E2F2: variants seen among roughly 807,000 people sequenced by gnomAD.
E2F2 encodes the protein transcription factor E2F2.
In E2F2, 22 loss-of-function variants were observed where a neutral mutation model predicts 42.2. The observed-to-expected ratio is 0.52, with a 90% CI of 0.37 to 0.74. The LOEUF is 0.74. E2F2 is among the 30% of genes least tolerant of loss of function. The probability of loss-of-function intolerance (pLI) is 0.00; values close to 1 mark genes in which losing one functional copy is unlikely to be tolerated. For synonymous variants in E2F2, 248 were observed against 251.6 expected (o/e 0.99, Z 0.13); for missense variants, 481 against 557.8 (o/e 0.86, Z 1.39).
intron 6 of E2F2, 134 bp downstream of exon 6, chr1:23,516,201 A>C: frequency 8.3e-7 from 1 of 1,209,528 alleles, no homozygotes; most frequent in Non-Finnish European, 1.1e-6. Context: ...AGTACAATGC[A>C]CATGTGTGGG....
intron 1 of E2F2, among the ~76,000 whole-genome samples, chr1:23,525,361 G>C (rs1643234054): frequency 6.6e-6 from 1 of 152,154 alleles, no homozygotes; most frequent in South Asian, 2.1e-4. Flanking sequence ...GGGCTGGGCA[G>C]GGGCAGGGCA....
At chr1:23,522,093 G>GGGA in intron 2 of E2F2, 37 bp from the exon 3 acceptor site, 1 of 1,598,738 alleles carries the variant, frequency 6.3e-7, no homozygotes, top group Non-Finnish European at 8.6e-7. Context: ...GCTCAGGGAG[G>GGGA]GGAGGGCCCG....
At position 23,519,063 on chromosome 1, in the gene E2F2, C is replaced by T. The variant is rs745812677; in HGVS notation, c.805G>A (p.Val269Ile). The T allele has an allele frequency of 1.2e-5, 19 of 1,613,962 alleles. No individual in the cohort carries two copies. Among genetic ancestry groups the T allele is most frequent in the South Asian group, 7.7e-5 (7 of 91,034 alleles). Residue 269 changes from valine (V) to isoleucine (I), a missense_variant, in exon 5 of 7, where the codon GTC (valine) becomes ATC (isoleucine). Coordinates refer to ENST00000361729, the MANE Select transcript of E2F2 (RefSeq NM_004091.4). ...GNFKEQTVIAVKAPPQTRLEV... is the reference protein window; with the variant it reads ...GNFKEQTVIAIKAPPQTRLEV... ...AGTCTCGTCTGCGGAGGGGCCTTGACGGCAATCACTGTCTGCTCCTTAAAG... is the reference window on the plus strand; with the variant it reads ...AGTCTCGTCTGCGGAGGGGCCTTGATGGCAATCACTGTCTGCTCCTTAAAG...
rs542836431 is a variant in E2F2, at chr1:23,507,451, G to A, written c.*2429C>T. On this transcript the variant is annotated 3_prime_UTR_variant, in exon 7 of 7. Transcript: ENST00000361729. The stretch of plus-strand genomic sequence containing the variant: ...GAATCGCTTGAACCTGGGAGGCAGA[G>A]GTTGCAGTGAGCCGAGATCAGGCCA... The A allele has an allele frequency of 6.6e-6, 1 of 152,246 alleles. No homozygotes were observed. Among genetic ancestry groups the A allele is most frequent in the East Asian group, 1.9e-4 (1 of 5,170 alleles). The allele number at this position is 152,246 out of a possible 1,614,324, so 9.4% of individuals were successfully genotyped here. A position where few individuals can be genotyped will look rare whatever the true frequency, so the allele number is the denominator to read the frequency against.
chr1:23,505,232 A>G (rs1399209989), downstream of E2F2, among the ~76,000 whole-genome samples: 1 of 152,236 alleles, frequency 6.6e-6, no homozygotes, highest in Non-Finnish European at 1.5e-5. Flanking sequence ...ATAGCCATTT[A>G]TACCATGCAA....
chr1:23,506,305 G>C (rs1454149913), downstream of E2F2: 1 of 152,220 alleles, frequency 6.6e-6, no homozygotes, highest in Admixed American at 6.5e-5. Context: ...ACTGTATCTT[G>C]GAGGGAAATC....
Position 23,510,099 on chromosome 1 carries a change from C to G in E2F2, c.1095G>C (p.Leu365=), listed in dbSNP as rs773372814. The G allele has an allele frequency of 1.9e-6, 3 of 1,605,776 alleles. No homozygotes were observed. Among genetic ancestry groups the G allele is most frequent in the Non-Finnish European group, 2.5e-6 (3 of 1,177,070 alleles). The change falls in exon 7 of 7, where the codon CTG becomes CTC. Residue 365 remains leucine, a synonymous_variant. Coordinates refer to ENST00000361729, the MANE Select transcript of E2F2 (RefSeq NM_004091.4). Reference sequence around the variant, plus strand: ...GGCTGTCAGTAGCCTCCAAGGGGACCAGGGATGGAGGCGGTGGGGCCTGCT... The same window carrying G: ...GGCTGTCAGTAGCCTCCAAGGGGACGAGGGATGGAGGCGGTGGGGCCTGCT... The part of the protein sequence containing the change: ...TPQQAPPPPS[L]VPLEATDSLL...
Position 23,509,816 on chromosome 1 carries a change from G to A in E2F2, c.*64C>T. On this transcript the variant is annotated 3_prime_UTR_variant, in exon 7 of 7. Transcript: ENST00000361729. ...TCCAATGTCCCTGTGCAGGCAGAGG[G>A]GCTGTCAGCCTGTCTGTGAGGAGGT... is the stretch of plus-strand genomic sequence containing the variant. 6.7e-7 allele frequency: 1 copy of A among 1,487,572 alleles called. No individual in the cohort carries two copies. The highest frequency in any genetic ancestry group is 1.4e-5 in the South Asian group (1 of 71,460). The allele number at this position is 1,487,572 out of a possible 1,614,324, so 92.1% of individuals were successfully genotyped here.
intron 1 of E2F2, among the ~76,000 whole-genome samples, chr1:23,527,369 C>T (rs566039927): frequency 1.8e-4 from 28 of 152,328 alleles, no homozygotes; most frequent in Middle Eastern, 3.4e-3. Context: ...TGGCCACAGC[C>T]AGAGGCCAGC....
intron 2 of E2F2, 94 bp from the exon 3 acceptor site, chr1:23,522,150 C>A: frequency 9.0e-7 from 1 of 1,115,432 alleles, no homozygotes. Context: ...TACCACCTTT[C>A]ACCACCCACT....
chr1:23,524,065 C>T (rs548364994), intron 2 of E2F2, among the ~76,000 whole-genome samples: 2 of 141,654 alleles, frequency 1.4e-5, no homozygotes, highest in Non-Finnish European at 3.0e-5. Context: ...CAGAGCGAGA[C>T]CTGTCTCACA....
chr1:23,523,731 A>G (rs1643195482), intron 2 of E2F2, among the ~76,000 whole-genome samples: 1 of 152,148 alleles, frequency 6.6e-6, no homozygotes, highest in Non-Finnish European at 1.5e-5. Flanking sequence ...CAAATAAAAC[A>G]CTGGTCATTG....
chr1:23,516,553 A>G, intron 5 of E2F2, 26 bp from the exon 6 acceptor site: 1 of 1,577,558 alleles, frequency 6.3e-7, no homozygotes, highest in Non-Finnish European at 8.6e-7. Flanking sequence ...AAGCCAGGTC[A>G]TTGCTCTGGG....
chr1:23,528,996 TGAGC>T (rs1196899329), intron 1 of E2F2, among the ~76,000 whole-genome samples: 1 of 152,162 alleles, frequency 6.6e-6, no homozygotes, highest in Non-Finnish European at 1.5e-5. Context: ...GAGGATTGCT[TGAGC>T]CCAGGAGTTT....
chr1:23,514,833 C>CAAAAAAA (rs74604082), intron 6 of E2F2, among the ~76,000 whole-genome samples: 1 of 46,750 alleles, frequency 2.1e-5, no homozygotes, highest in Admixed American at 2.3e-4. Flanking sequence ...GAGACTGTCT[C>CAAAAAAA]AAAAAAAAAA....
At chr1:23,513,604 GTGTGTGTC>G (rs1553183067) in intron 6 of E2F2, among the ~76,000 whole-genome samples, 1 of 147,848 alleles carries the variant, frequency 6.8e-6, no homozygotes, top group African/African-American at 2.5e-5. Flanking sequence ...GTGTGTGTGT[GTGTGTGTC>G]TGTGCAGGAG....
At chr1:23,505,907 T>C (rs576780582), downstream of E2F2, among the ~76,000 whole-genome samples, 2 of 152,300 alleles carry the variant, frequency 1.3e-5, no homozygotes, top group East Asian at 3.9e-4. Flanking sequence ...GCGATTCTCC[T>C]GCCTCAGCCT....
chr1:23,505,906 C>T (rs1047727081), downstream of E2F2, among the ~76,000 whole-genome samples: 1 of 152,176 alleles, frequency 6.6e-6, no homozygotes, highest in Admixed American at 6.5e-5. Flanking sequence ...AGCGATTCTC[C>T]TGCCTCAGCC....
intron 1 of E2F2, 22 bp from the exon 2 acceptor site, chr1:23,524,510 G>A: frequency 1.2e-6 from 2 of 1,607,962 alleles, no homozygotes; most frequent in Non-Finnish European, 1.7e-6. Flanking sequence ...GGGGGAGAGA[G>A]AGGCAGAGTT....
Sources: allele counts gnomAD v4.1 joint callset (sites outside exome capture counted in the v4.1 genomes callset), GRCh38; gene constraint gnomAD v4.1.1; transcripts MANE v1.5; gene names NCBI Gene and HGNC (gene_info 2026-07-23, HGNC 2026-07-21).